ADAMTS18: variants seen among roughly 807,000 people sequenced by gnomAD.
ADAMTS18 encodes A disintegrin and metalloproteinase with thrombospondin motifs 18.
In ADAMTS18, 157 loss-of-function variants were observed where a neutral mutation model predicts 165.9. That is an observed-to-expected ratio of 0.95 (90% CI 0.83 to 1.08). The LOEUF (loss-of-function observed/expected upper bound fraction) is 1.08. Among genes scored for constraint, ADAMTS18 ranks in the 50% least tolerant of loss-of-function variants. The pLI, the probability that ADAMTS18 is intolerant of heterozygous loss-of-function variation, is 0.00. For missense variants in ADAMTS18, 2,040 were observed against 1,534.0 expected, an observed-to-expected ratio of 1.33 and a Z score of -5.51; for synonymous variants, 782 against 578.2, an observed-to-expected ratio of 1.35 and a Z score of -5.06.
chr16:77,378,597 C>T (rs956995357), intron 3 of ADAMTS18, among the ~76,000 whole-genome samples: 16 of 151,952 alleles, frequency 1.1e-4, no homozygotes, highest in African/African-American at 3.4e-4. Context: ...AGCCTGTAAT[C>T]CCAGCTACTT....
At chr16:77,293,998 T>A (rs1597085845) in intron 19 of ADAMTS18, among the ~76,000 whole-genome samples, 1 of 152,152 alleles carries the variant, frequency 6.6e-6, no homozygotes, top group African/African-American at 2.4e-5. Context: ...AGCCCTACTC[T>A]GACCTCTGGT....
chr16:77,373,941 G>A (rs1052237578), intron 3 of ADAMTS18, among the ~76,000 whole-genome samples: 1 of 152,100 alleles, frequency 6.6e-6, no homozygotes, highest in African/African-American at 2.4e-5. Context: ...TCTCCAGGCA[G>A]GGCATGGTGG....
chr16:77,314,368 G>A (rs1477847160), intron 16 of ADAMTS18, among the ~76,000 whole-genome samples: 1 of 151,996 alleles, frequency 6.6e-6, no homozygotes, highest in Non-Finnish European at 1.5e-5. Context: ...AGCACTTTGG[G>A]AGGCCGAGGC....
Position 77,297,691 on chromosome 16 carries a change from A to G in ADAMTS18, c.2675-276T>C, listed in dbSNP as rs1234295994. ...CTAGAACCATAAATTGATAAATACA[A>G]CCTTTTGAAAACAGAATGACTATAA... On this transcript the variant is annotated intron_variant, in intron 17 of 22. Coordinates refer to ENST00000282849, the MANE Select transcript of ADAMTS18 (RefSeq NM_199355.4). 2.0e-5 allele frequency among the ~76,000 whole-genome samples: 3 copies of G among 152,222 alleles called. No homozygotes were observed. The East Asian group carries it at 5.8e-4, about 29-fold the overall frequency.
At chr16:77,284,605 A>C (rs16945442) in intron 22 of ADAMTS18, among the ~76,000 whole-genome samples, 2,271 of 152,268 alleles carry the variant, frequency 0.015, 65 homozygotes, top group African/African-American at 0.052. Flanking sequence ...GATGCCAAGA[A>C]AAGACTCTGA....
At chr16:77,338,627 C>T (rs986714292) in intron 11 of ADAMTS18, among the ~76,000 whole-genome samples, 2 of 151,942 alleles carry the variant, frequency 1.3e-5, no homozygotes, top group Non-Finnish European at 2.9e-5. Context: ...ATGTACAAAC[C>T]TTTCTTTCCG....
In ADAMTS18 at chr16:77,355,985, A is replaced by G. The variant is rs1383266272; in HGVS notation, c.1415T>C (p.Phe472Ser). ...CTGGCGGCTGCAGGAAGACCATGAA[A>G]ACACTCCATTGTTTCCGGTCAGTGT... ...SPTLTGNNGV[F>S]SWSSCSRQYL... Residue 472 changes from phenylalanine (F) to serine (S), a missense_variant, in exon 9 of 23, where the codon TTT becomes TCT. Coordinates refer to ENST00000282849, the MANE Select transcript of ADAMTS18 (RefSeq NM_199355.4). The G allele has an allele frequency of 3.1e-6, 5 of 1,613,990 alleles. No individual in the cohort carries two copies. The Admixed American group carries it at 8.3e-5, about 27-fold the overall frequency.
intron 3 of ADAMTS18, among the ~76,000 whole-genome samples, chr16:77,415,854 T>G (rs142393960): frequency 6.6e-6 from 1 of 151,978 alleles, no homozygotes; most frequent in African/African-American, 2.4e-5. Context: ...ACTTCAAACA[T>G]AGAAATAATT....
Position 77,291,306 on chromosome 16 carries a change from T to C in ADAMTS18, c.3362A>G (p.Tyr1121Cys), listed in dbSNP as rs1269874541. The C allele has an allele frequency of 6.2e-7, 1 of 1,614,194 alleles. No individual in the cohort carries two copies. The highest frequency in any genetic ancestry group is 1.3e-5 in the African/African-American group (1 of 75,052). Reference protein sequence around the residue: ...NRRACPAHPVYNMVAGWYSLP... With the variant: ...NRRACPAHPVCNMVAGWYSLP... The stretch of plus-strand genomic sequence containing the variant: ...TGAATACCATCCAGCTACCATGTTG[T>C]ACACTGGATGGGCTGGGCAAGCCCG... Residue 1121 changes from tyrosine to cysteine, a missense_variant, in exon 21 of 23, where the codon TAC (tyrosine) becomes TGC (cysteine). By Grantham distance (194) the Tyr-to-Cys change is radical. Coordinates refer to ENST00000282849, the MANE Select transcript of ADAMTS18 (RefSeq NM_199355.4).
intron 11 of ADAMTS18, among the ~76,000 whole-genome samples, chr16:77,339,140 A>T (rs1324923779): frequency 6.6e-6 from 1 of 151,038 alleles, no homozygotes; most frequent in Admixed American, 6.6e-5. Context: ...TCCAGATGAA[A>T]CAAGTAAAAC....
At chr16:77,373,859 A>G (rs2056912232) in intron 3 of ADAMTS18, among the ~76,000 whole-genome samples, 1 of 152,126 alleles carries the variant, frequency 6.6e-6, no homozygotes, top group Non-Finnish European at 1.5e-5. Flanking sequence ...TTTATTGCAC[A>G]CTCTGTGACA....
At chr16:77,376,535 G>T (rs7196942) in intron 3 of ADAMTS18, among the ~76,000 whole-genome samples, 1 of 151,904 alleles carries the variant, frequency 6.6e-6, no homozygotes, top group African/African-American at 2.4e-5. Context: ...GTCAAGCCGA[G>T]GGAAAGGACT....
chr16:77,362,053 A>T (rs1057064970), intron 7 of ADAMTS18, 52 bp downstream of exon 7: 1 of 1,601,944 alleles, frequency 6.2e-7, no homozygotes. Context: ...GAAAGTTTCC[A>T]TACTGTGTTT....
intron 3 of ADAMTS18, among the ~76,000 whole-genome samples, chr16:77,422,671 G>T (rs1476575889): frequency 2.0e-5 from 3 of 151,874 alleles, no homozygotes; most frequent in African/African-American, 7.3e-5. Flanking sequence ...ATAGAGGAAG[G>T]AAAGGATGAA....
chr16:77,377,051 G>C (rs1397412275), intron 3 of ADAMTS18, among the ~76,000 whole-genome samples: 1 of 152,162 alleles, frequency 6.6e-6, no homozygotes, highest in African/African-American at 2.4e-5. Flanking sequence ...CTGACTTCAA[G>C]TGATCCATCT....
At chr16:77,326,125 G>C in intron 12 of ADAMTS18, 87 bp from the exon 13 acceptor site, 1 of 1,278,410 alleles carries the variant, frequency 7.8e-7, no homozygotes, top group Non-Finnish European at 1.1e-6. Context: ...AGGCAATGAA[G>C]ATGAGCACTG....
At chr16:77,332,663 C>G (rs1391951891) in intron 12 of ADAMTS18, among the ~76,000 whole-genome samples, 1 of 152,170 alleles carries the variant, frequency 6.6e-6, no homozygotes, top group Non-Finnish European at 1.5e-5. Context: ...CTACATCTCA[C>G]ACATGTTTCA....
rs569543791 is a variant in ADAMTS18, at chr16:77,391,651, C to T, written c.496-23928G>A. Among the ~76,000 whole-genome samples, 6 of 152,168 alleles carry T rather than the reference C, an allele frequency of 3.9e-5. No individual in the cohort carries two copies. The East Asian group carries it at 1.2e-3, about 29-fold the overall frequency. ...CAATTCATCTTCCTTTTAATAGTTG[C>T]AAAGAAATTTGTAAATAACCTATAA... On this transcript the variant is annotated intron_variant, in intron 3 of 22. Coordinates refer to ENST00000282849, the MANE Select transcript of ADAMTS18 (RefSeq NM_199355.4).
intron 3 of ADAMTS18, among the ~76,000 whole-genome samples, chr16:77,416,299 A>G (rs1221889649): frequency 6.6e-6 from 1 of 152,192 alleles, no homozygotes; most frequent in Admixed American, 6.5e-5. Flanking sequence ...ATAATGGAAG[A>G]GATAGGAAGT....
Sources: gnomAD v4.1 joint callset for allele counts (sites outside exome capture counted in the v4.1 genomes callset) on GRCh38, gnomAD v4.1.1 for gene constraint, MANE v1.5 for transcripts, NCBI Gene and HGNC (gene_info 2026-07-23, HGNC 2026-07-21) for gene names.